FRMPD4: variants seen among roughly 807,000 people sequenced by gnomAD.
The protein encoded by FRMPD4 is FERM and PDZ domain-containing protein 4.
FRMPD4 carries 22 observed loss-of-function variants against 94.1 expected under a neutral mutation model. The ratio of observed to expected loss-of-function variants is 0.23; its 90% CI spans 0.17 to 0.33. The LOEUF is 0.33. Ranked by LOEUF, FRMPD4 falls within the 10% of genes least tolerant of loss-of-function variation. The pLI, the probability that FRMPD4 is intolerant of heterozygous loss-of-function variation, is 1.00. For synonymous variants in FRMPD4, 631 were observed against 548.6 expected (o/e 1.15, Z -2.10); for missense variants, 1,111 against 1,339.9 (o/e 0.83, Z 2.67).
intron 1 of FRMPD4, among the ~76,000 whole-genome samples, chrX:12,260,884 T>C (rs1474332779): frequency 8.9e-6 from 1 of 112,259 alleles, no homozygotes; most frequent in Non-Finnish European, 1.9e-5. Context: ...TTTCTGCATA[T>C]GGCTAACTTC....
chrX:12,603,981 G>A (rs1367780609), intron 2 of FRMPD4, among the ~76,000 whole-genome samples: 2 of 110,273 alleles, frequency 1.8e-5, no homozygotes, highest in Non-Finnish European at 3.8e-5. Context: ...GAGAGAAGAT[G>A]AGAATGCCAT....
chrX:12,280,392 G>A (rs1324659303), intron 1 of FRMPD4, among the ~76,000 whole-genome samples: 1 of 110,116 alleles, frequency 9.1e-6, no homozygotes, highest in Non-Finnish European at 1.9e-5. Context: ...TAGTGGGAGT[G>A]TTCAGGAAAG....
chrX:12,223,619 A>T (rs1256152380), intron 1 of FRMPD4, among the ~76,000 whole-genome samples: 1 of 112,416 alleles, frequency 8.9e-6, no homozygotes, highest in Non-Finnish European at 1.9e-5. Context: ...GAAGGAAAAA[A>T]AGGAACTGGC....
intron 4 of FRMPD4, among the ~76,000 whole-genome samples, chrX:12,667,631 T>C (rs776665633): frequency 8.9e-5 from 10 of 112,590 alleles, no homozygotes; most frequent in Non-Finnish European, 1.5e-4. Flanking sequence ...CTCTACCTCA[T>C]TGGAAGCTGG....
upstream of FRMPD4, among the ~76,000 whole-genome samples, chrX:12,133,655 T>C (rs2055572363): frequency 2.7e-5 from 3 of 111,569 alleles, no homozygotes; most frequent in Non-Finnish European, 5.6e-5. Flanking sequence ...TTTCCCCACC[T>C]CCTACATCTA....
chrX:12,209,386 C>T (rs1034516155), intron 1 of FRMPD4, among the ~76,000 whole-genome samples: 2 of 112,377 alleles, frequency 1.8e-5, no homozygotes, highest in African/African-American at 6.5e-5. Context: ...ACTATCTTTA[C>T]TTCATAAAAG....
rs147360584 is a variant in FRMPD4, at chrX:12,683,488, C to A, written c.474C>A (p.Pro158=). ...LLTVIQPYPS[P]KSAFISAAKK... ...AATGTTTTCTTTTCTTCTAGTCTCC[C>A]AAATCAGCATTTATTAGTGCTGCAA... The change falls in exon 6 of 17, where the codon CCC becomes CCA. Residue 158 remains proline, a synonymous_variant. Coordinates refer to ENST00000675598, the MANE Select transcript of FRMPD4 (RefSeq NM_001368397.1). The A allele has an allele frequency of 2.7e-6, 3 of 1,094,636 alleles. No homozygotes were observed. The highest frequency in any genetic ancestry group is 3.6e-5 in the African/African-American group (2 of 54,967). 90.2% of individuals were successfully genotyped at this position (1,094,636 alleles called of 1,213,427 possible).
At chrX:11,825,270 TA>T (rs1251219520) in intron 1 of FRMPD4, among the ~76,000 whole-genome samples, 31 of 96,853 alleles carry the variant, frequency 3.2e-4, no homozygotes, top group Middle Eastern at 5.0e-3. Flanking sequence ...CTAATTGTAG[TA>T]AAAAAAAAAT....
intron 3 of FRMPD4, among the ~76,000 whole-genome samples, chrX:11,888,368 A>G (rs1465570200): frequency 2.7e-5 from 3 of 112,169 alleles, no homozygotes; most frequent in East Asian, 2.8e-4. Context: ...TCATATTTCT[A>G]TAGCATATAT....
At chrX:12,003,043 G>A (rs2054532202) in intron 3 of FRMPD4, among the ~76,000 whole-genome samples, 1 of 111,166 alleles carries the variant, frequency 9.0e-6, no homozygotes, top group African/African-American at 3.3e-5. Flanking sequence ...AGCTGCTCTG[G>A]CATTAAGCTA....
At chrX:12,669,693 T>C (rs5935381) in intron 4 of FRMPD4, among the ~76,000 whole-genome samples, 6,364 of 111,568 alleles carry the variant, frequency 0.057, 172 homozygotes, top group African/African-American at 0.088. Flanking sequence ...ACTAGTCCTT[T>C]TAAGTTAAAG....
intron 9 of FRMPD4, among the ~76,000 whole-genome samples, chrX:12,695,124 C>T (rs1215408545): frequency 9.0e-6 from 1 of 111,494 alleles, no homozygotes; most frequent in Non-Finnish European, 1.9e-5. Context: ...TTGAGGAGTA[C>T]TAGTCAGCTA....
intron 2 of FRMPD4, among the ~76,000 whole-genome samples, chrX:12,588,832 G>A (rs192489112): frequency 2.7e-5 from 3 of 110,738 alleles, no homozygotes; most frequent in East Asian, 5.5e-4. Context: ...AAATGTGTAC[G>A]TGTATAAACA....
intron 1 of FRMPD4, among the ~76,000 whole-genome samples, chrX:11,840,791 T>G (rs1180910442): frequency 1.2e-4 from 13 of 108,093 alleles, no homozygotes; most frequent in African/African-American, 3.7e-4. Context: ...ATGTGCACAA[T>G]GTGCAGGTTA....
chrX:11,948,979 A>G, intron 3 of FRMPD4, among the ~76,000 whole-genome samples: 1 of 111,850 alleles, frequency 8.9e-6, no homozygotes, highest in Middle Eastern at 4.6e-3. Context: ...CAAAAACCAA[A>G]AGATAGATAT....
intron 1 of FRMPD4, among the ~76,000 whole-genome samples, chrX:12,337,533 T>G (rs777470941): frequency 8.9e-6 from 1 of 112,242 alleles, no homozygotes; most frequent in South Asian, 3.7e-4. Flanking sequence ...TCAAGTAAGA[T>G]AAGGAAATGG....
At chrX:12,476,398 G>T (rs2057599376) in intron 1 of FRMPD4, among the ~76,000 whole-genome samples, 1 of 111,708 alleles carries the variant, frequency 9.0e-6, no homozygotes, top group African/African-American at 3.3e-5. Flanking sequence ...TGGGACATAG[G>T]CATGGGCAAG....
At chrX:12,619,299 G>C (rs983670552) in intron 4 of FRMPD4, among the ~76,000 whole-genome samples, 3 of 112,144 alleles carry the variant, frequency 2.7e-5, no homozygotes, top group Non-Finnish European at 5.6e-5. Context: ...CTGGGTAGCG[G>C]TAGTGTTCTT....
At chrX:12,300,336 A>G (rs1370602070) in intron 1 of FRMPD4, among the ~76,000 whole-genome samples, 1 of 111,940 alleles carries the variant, frequency 8.9e-6, no homozygotes, top group Non-Finnish European at 1.9e-5. Context: ...GGCAGTCCAT[A>G]TGGCCTATGA....
Sources: allele counts gnomAD v4.1 joint callset (sites outside exome capture counted in the v4.1 genomes callset), GRCh38; gene constraint gnomAD v4.1.1; transcripts MANE v1.5; gene names NCBI Gene and HGNC (gene_info 2026-07-23, HGNC 2026-07-21).